GPC6: variants seen among roughly 807,000 people sequenced by gnomAD.
GPC6 encodes the protein glypican 6.
Under a neutral mutation model 55.2 loss-of-function variants are expected in GPC6, and 14 were observed. The ratio of observed to expected loss-of-function variants is 0.25; its 90% CI spans 0.17 to 0.40. The LOEUF (loss-of-function observed/expected upper bound fraction) is 0.40. Among genes scored for constraint, GPC6 ranks in the 10% least tolerant of loss-of-function variants. The pLI is 1.00. For missense variants in GPC6, 641 were observed against 708.5 expected, an observed-to-expected ratio of 0.90 and a Z score of 1.08; for synonymous variants, 278 against 259.6, an observed-to-expected ratio of 1.07 and a Z score of -0.68.
In GPC6 at chr13:93,527,045, G is replaced by GT. The variant is rs544766253; in HGVS notation, c.161-18208dup. On this transcript the variant is annotated intron_variant, in intron 1 of 8. Transcript: ENST00000377047. Reference sequence around the variant, plus strand: ...TTTTATTCCTACTGAGATATTTTAAGTTTTTTTTTTAAAAAGCTTTCTGTA... The same window carrying GT: ...TTTTATTCCTACTGAGATATTTTAAGTTTTTTTTTTTAAAAAGCTTTCTGTA... 9.6e-4 allele frequency among the ~76,000 whole-genome samples: 143 copies of GT among 149,164 alleles called. 1 individual carries two copies. In the Middle Eastern group the frequency reaches 0.01, roughly 11 times the overall value.
chr13:93,593,453 AATT>A, intron 2 of GPC6, among the ~76,000 whole-genome samples: 1 of 152,288 alleles, frequency 6.6e-6, no homozygotes, highest in East Asian at 1.9e-4. Flanking sequence ...TTCAAGCTTC[AATT>A]ATTTGTTGAA....
At chr13:93,314,747 GTGTGTGT>G (rs1419856417) in intron 1 of GPC6, among the ~76,000 whole-genome samples, 14 of 151,064 alleles carry the variant, frequency 9.3e-5, no homozygotes, top group East Asian at 6.4e-4. Flanking sequence ...GTGTGTGTGT[GTGTGTGT>G]GTGCACGCAT....
intron 3 of GPC6, among the ~76,000 whole-genome samples, chr13:94,012,708 G>A (rs557881527): frequency 3.9e-5 from 6 of 152,272 alleles, no homozygotes; most frequent in African/African-American, 1.2e-4. Context: ...GTTCCTGAGA[G>A]AGTGATTGAT....
chr13:93,572,384 G>C (rs897683711), intron 2 of GPC6, among the ~76,000 whole-genome samples: 3 of 152,264 alleles, frequency 2.0e-5, no homozygotes, highest in South Asian at 4.1e-4. Context: ...AACTTGGAAT[G>C]ATATATACCA....
At chr13:94,361,180 CTGT>C (rs1363297698) in intron 6 of GPC6, among the ~76,000 whole-genome samples, 1 of 152,146 alleles carries the variant, frequency 6.6e-6, no homozygotes, top group African/African-American at 2.4e-5. Flanking sequence ...GTAGCCATCA[CTGT>C]TGTTATCATA....
intron 4 of GPC6, among the ~76,000 whole-genome samples, chr13:94,180,750 C>CA (rs1888961370): frequency 6.6e-6 from 1 of 151,810 alleles, no homozygotes. Flanking sequence ...GGATTTTTTT[C>CA]AAAAATCTAC....
chr13:93,538,809 C>T (rs1882167586), intron 1 of GPC6, among the ~76,000 whole-genome samples: 1 of 152,130 alleles, frequency 6.6e-6, no homozygotes, highest in African/African-American at 2.4e-5. Context: ...GAAAGATTTT[C>T]TCTTTATGCA....
intron 4 of GPC6, among the ~76,000 whole-genome samples, chr13:94,054,509 C>T (rs1884064261): frequency 6.6e-6 from 1 of 152,296 alleles, no homozygotes; most frequent in East Asian, 1.9e-4. Context: ...TGATACTGGG[C>T]CACACTTTGG....
At chr13:93,991,743 T>C (rs1183198065) in intron 3 of GPC6, among the ~76,000 whole-genome samples, 1 of 152,142 alleles carries the variant, frequency 6.6e-6, no homozygotes, top group African/African-American at 2.4e-5. Flanking sequence ...TACTGAGATG[T>C]GTTCTCAAGT....
chr13:93,829,366 C>A (rs576234079), intron 2 of GPC6, among the ~76,000 whole-genome samples: 1 of 152,216 alleles, frequency 6.6e-6, no homozygotes, highest in Admixed American at 6.5e-5. Context: ...TATTTTTTTG[C>A]ATCCTATAAG....
At chr13:94,289,905 A>C (rs1053817205) in intron 5 of GPC6, among the ~76,000 whole-genome samples, 4 of 152,318 alleles carry the variant, frequency 2.6e-5, no homozygotes, top group East Asian at 1.9e-4. Flanking sequence ...GCAGTTCTCA[A>C]GTTGGGGTTC....
intron 3 of GPC6, among the ~76,000 whole-genome samples, chr13:93,871,613 T>C (rs560301693): frequency 2.0e-5 from 3 of 152,036 alleles, no homozygotes; most frequent in African/African-American, 7.2e-5. Context: ...ACGTCTCTCA[T>C]GTATCAAAAC....
chr13:93,977,467 G>GGTGTGT lies in GPC6; in HGVS notation c.712-50216_712-50211dup, dbSNP rs4001797. Among the ~76,000 whole-genome samples the GGTGTGT allele has an allele frequency of 6.3e-3, 870 of 137,348 alleles. 4 individuals are homozygous for GGTGTGT. The highest frequency in any genetic ancestry group is 8.6e-3 in the Non-Finnish European group (547 of 63,770). The allele number at this position is 137,348 out of a possible 152,430, so 90.1% of individuals were successfully genotyped here. ...TCTATGATTTGCCAAGATGACAAGG[G>GGTGTGT]GTGTGTGTGTGTGTGTGTGTGTGTG... On this transcript the variant is annotated intron_variant, in intron 3 of 8. Coordinates refer to ENST00000377047, the MANE Select transcript of GPC6 (RefSeq NM_005708.5).
At chr13:93,817,781 C>T (rs1325502622) in intron 2 of GPC6, among the ~76,000 whole-genome samples, 1 of 151,774 alleles carries the variant, frequency 6.6e-6, no homozygotes, top group Non-Finnish European at 1.5e-5. Flanking sequence ...ATCCTGGGAG[C>T]CCCTGGAGGG....
intron 4 of GPC6, among the ~76,000 whole-genome samples, chr13:94,284,875 A>AC (rs1323181137): frequency 6.6e-6 from 1 of 151,210 alleles, no homozygotes; most frequent in East Asian, 2.0e-4. Context: ...TAAAAAAAAA[A>AC]AAACACATAA....
At chr13:93,755,945 G>C (rs1346850368) in intron 2 of GPC6, among the ~76,000 whole-genome samples, 2 of 152,124 alleles carry the variant, frequency 1.3e-5, no homozygotes, top group Non-Finnish European at 2.9e-5. Flanking sequence ...TGTGCTGGAG[G>C]AATCCTCTAC....
chr13:94,343,625 G>T (rs957491599), intron 6 of GPC6, among the ~76,000 whole-genome samples: 1 of 152,164 alleles, frequency 6.6e-6, no homozygotes, highest in Admixed American at 6.5e-5. Context: ...AAGTGGTCTC[G>T]CATGTGTTAC....
chr13:93,692,623 A>G (rs969297045), intron 2 of GPC6, among the ~76,000 whole-genome samples: 1 of 152,074 alleles, frequency 6.6e-6, no homozygotes, highest in African/African-American at 2.4e-5. Context: ...TCCTTCTACC[A>G]TCTTAAATTT....
At chr13:93,880,618 G>C (rs1173148672) in intron 3 of GPC6, among the ~76,000 whole-genome samples, 1 of 152,068 alleles carries the variant, frequency 6.6e-6, no homozygotes, top group African/African-American at 2.4e-5. Context: ...AATGCTAGAT[G>C]ACGAGTTAAT....
Sources: gnomAD v4.1 joint callset for allele counts (sites outside exome capture counted in the v4.1 genomes callset) on GRCh38, gnomAD v4.1.1 for gene constraint, MANE v1.5 for transcripts, NCBI Gene and HGNC (gene_info 2026-07-23, HGNC 2026-07-21) for gene names.